Variants in CROCC2 observed in about 807,000 individuals in gnomAD.
CROCC2 encodes the protein ciliary rootlet coiled-coil protein 2.
CROCC2 carries 163 observed loss-of-function variants against 177.6 expected under a neutral mutation model. That is an observed-to-expected ratio of 0.92 (90% confidence interval 0.81 to 1.05). The LOEUF (loss-of-function observed/expected upper bound fraction) is 1.05, where lower values mean the gene tolerates loss of function less well. CROCC2 is among the 50% of genes least tolerant of loss of function. CROCC2 has a pLI of 0.00. For synonymous variants in CROCC2, 904 were observed against 787.3 expected, an observed-to-expected ratio of 1.15 and a Z score of -2.48; for missense variants, 1,929 against 1,797.8, an observed-to-expected ratio of 1.07 and a Z score of -1.32.
intron 11 of CROCC2, 104 bp from the exon 12 acceptor site, chr2:240,934,226 CT>C: frequency 2.3e-6 from 3 of 1,302,788 alleles, no homozygotes; most frequent in Non-Finnish European, 2.1e-6. Flanking sequence ...CCTCCTGGGC[CT>C]CCCTGGGCTT....
At chr2:240,937,181 GT>G (rs1342406868) in intron 14 of CROCC2, among the ~76,000 whole-genome samples, 1 of 152,008 alleles carries the variant, frequency 6.6e-6, no homozygotes, top group Non-Finnish European at 1.5e-5. Flanking sequence ...GGTATTGTCT[GT>G]TTTTTTGGGT....
intron 1 of CROCC2, among the ~76,000 whole-genome samples, chr2:240,912,190 A>G (rs1325035909): frequency 6.6e-6 from 1 of 152,112 alleles, no homozygotes; most frequent in African/African-American, 2.4e-5. Context: ...TTTAACACCA[A>G]ATGTGTGGGT....
chr2:240,932,241 G>A (rs554123778), intron 7 of CROCC2, 77 bp from the exon 8 acceptor site: 36 of 657,476 alleles, frequency 5.5e-5, no homozygotes, highest in African/African-American at 4.6e-4. Context: ...AAAGGAGTCC[G>A]GGCAGAGCCA....
rs771248710 is a variant in CROCC2 at position 240,989,611 on chromosome 2, CT to C, written c.4684-42del. 22 of 1,513,144 alleles carry C rather than the reference CT, an allele frequency of 1.5e-5. No homozygotes were observed. The South Asian group carries it at 2.6e-4, about 18-fold the overall frequency. 93.7% of individuals were successfully genotyped at this position (1,513,144 alleles called of 1,614,324 possible). ...TCCTGCCCTGGGATTCTGTGCGGCC[CT>C]CAGTGAGAGACAGCAGTGAGATGCC... On this transcript the variant is annotated intron_variant, in intron 29 of 31. Coordinates refer to ENST00000690015, the MANE Select transcript of CROCC2 (RefSeq NM_001351305.2).
chr2:240,907,366 T>G lies in CROCC2; in HGVS notation c.78+775T>G, dbSNP rs183711208. Among the ~76,000 whole-genome samples the G allele has an allele frequency of 5.5e-3, 840 of 152,004 alleles. 5 individuals carry two copies. The highest frequency in any genetic ancestry group is 9.8e-3 in the Admixed American group (149 of 15,272). On this transcript the variant is annotated intron_variant, in intron 1 of 31. Coordinates refer to ENST00000690015, the MANE Select transcript of CROCC2 (RefSeq NM_001351305.2). ...GCGGTCCCACCTCGGATATCCCTCC[T>G]CCCTGCACTGCCGTCACCTGCTGCT...
In CROCC2 at chr2:240,935,400, C is replaced by G; in HGVS notation, c.1981C>G (p.Leu661Val). 2 of 1,374,590 alleles carry G rather than the reference C, an allele frequency of 1.5e-6. No individual in the cohort carries two copies. The highest frequency in any genetic ancestry group is 1.9e-6 in the Non-Finnish European group (2 of 1,058,826). The allele number at this position is 1,374,590 out of a possible 1,614,324, so 85.1% of individuals were successfully genotyped here. A position where few individuals can be genotyped will look rare whatever the true frequency, so the allele number is the denominator to read the frequency against. Residue 661 changes from leucine (L) to valine (V), a missense_variant, in exon 14 of 32, where the codon CTG (leucine) becomes GTG (valine). Leu to Val is a conservative substitution (Grantham distance 32, BLOSUM62 1). Transcript: ENST00000690015. ...CCAGCTGCGGGAACAGCGGAAGACT[C>G]TGGAGCAGGAACGGGCCCGGGCCGG... ...RDQLREQRKT[L>V]EQERARAGEQ...
intron 20 of CROCC2, chr2:240,959,721 A>C (rs908474750): frequency 3.0e-6 from 1 of 334,516 alleles, no homozygotes; most frequent in African/African-American, 2.1e-5. Context: ...ACCAGTTTTC[A>C]GGGGAAAGAA....
At position 240,949,920 on chromosome 2, in the gene CROCC2, C is replaced by T. The variant is rs532336588; in HGVS notation, c.2652+218C>T. Among the ~76,000 whole-genome samples, 7 of 152,236 alleles carry T rather than the reference C, an allele frequency of 4.6e-5. No individual in the cohort carries two copies. In the East Asian group the frequency reaches 9.6e-4, roughly 21 times the overall value. On this transcript the variant is annotated intron_variant, in intron 17 of 31. Coordinates refer to ENST00000690015, the MANE Select transcript of CROCC2 (RefSeq NM_001351305.2). The surrounding 1 kb of genome is among the most constrained non-coding windows in gnomAD (Gnocchi z 4.5). ...ATTGGGCTTGGGTTTGTATTTGGGGCGGGCCTCCCTCATGGAAGAGGCTGG... is the reference window on the plus strand; with the variant it reads ...ATTGGGCTTGGGTTTGTATTTGGGGTGGGCCTCCCTCATGGAAGAGGCTGG...
At chr2:240,912,549 G>A (rs56656185) in intron 1 of CROCC2, among the ~76,000 whole-genome samples, 3,799 of 152,306 alleles carry the variant, frequency 0.025, 148 homozygotes, top group African/African-American at 0.086. Flanking sequence ...AGGTACAGGG[G>A]GCAGGTACGG....
At chr2:240,920,897 A>C (rs1056752281) in intron 3 of CROCC2, among the ~76,000 whole-genome samples, 1 of 152,216 alleles carries the variant, frequency 6.6e-6, no homozygotes, top group Non-Finnish European at 1.5e-5. Flanking sequence ...GCAAGGAGCC[A>C]GTGCGTGGAG....
Position 240,946,629 on chromosome 2 carries a change from T to A in CROCC2, c.2363+376T>A, listed in dbSNP as rs1025587420. Among the ~76,000 whole-genome samples, 3 of 152,148 alleles carry A rather than the reference T, an allele frequency of 2.0e-5. No individual in the cohort carries two copies. The East Asian group carries it at 5.8e-4, about 29-fold the overall frequency. On this transcript the variant is annotated intron_variant, in intron 15 of 31. Coordinates refer to ENST00000690015, the MANE Select transcript of CROCC2 (RefSeq NM_001351305.2). Reference sequence around the variant, plus strand: ...CAGTGCCCTCAGAATCCTGCTTCTCTCTCCCTCAGCACAGCTTGACTCTGA... The same window carrying A: ...CAGTGCCCTCAGAATCCTGCTTCTCACTCCCTCAGCACAGCTTGACTCTGA...
intron 14 of CROCC2, among the ~76,000 whole-genome samples, chr2:240,945,269 G>A (rs79391403): frequency 0.037 from 5,706 of 152,212 alleles, 328 homozygotes; most frequent in African/African-American, 0.13. Context: ...GGCAGTGAAC[G>A]TAGAAGGTCA....
At chr2:240,945,829 G>C (rs935761992) in intron 14 of CROCC2, among the ~76,000 whole-genome samples, 2 of 152,006 alleles carry the variant, frequency 1.3e-5, no homozygotes, top group African/African-American at 4.8e-5. Context: ...CTACCTAGGA[G>C]TGCCCAGTTC....
rs572422480 is a variant in CROCC2, at chr2:240,911,839, C to T, written c.78+5248C>T. On this transcript the variant is annotated intron_variant, in intron 1 of 31. Coordinates refer to ENST00000690015, the MANE Select transcript of CROCC2 (RefSeq NM_001351305.2). ...GCCAGCATTTCCTTGCTTTTTAAGG[C>T]TGAGTAATGTTCTACTCATAGAGGG... 7.2e-4 allele frequency among the ~76,000 whole-genome samples: 110 copies of T among 152,308 alleles called. 1 individual carries two copies. The highest frequency in any genetic ancestry group is 2.5e-3 in the African/African-American group (106 of 41,570).
At chr2:240,910,172 C>A (rs888410174) in intron 1 of CROCC2, among the ~76,000 whole-genome samples, 1 of 152,120 alleles carries the variant, frequency 6.6e-6, no homozygotes, top group Non-Finnish European at 1.5e-5. Flanking sequence ...GTGAGCAAGT[C>A]GGACTTGGGG....
chr2:240,930,119 G>A (rs1321846747), intron 5 of CROCC2, 47 bp from the exon 6 acceptor site: 2 of 532,492 alleles, frequency 3.8e-6, no homozygotes, highest in Non-Finnish European at 6.9e-6. Flanking sequence ...TTCAGGGAGG[G>A]TAAAGGGGCC....
intron 27 of CROCC2, among the ~76,000 whole-genome samples, chr2:240,969,932 G>T (rs757512721): frequency 6.6e-6 from 1 of 152,144 alleles, no homozygotes; most frequent in African/African-American, 2.4e-5. Flanking sequence ...TTCACACCAT[G>T]TTGGCCAGAC....
intron 1 of CROCC2, among the ~76,000 whole-genome samples, chr2:240,914,405 G>A (rs551175679): frequency 9.2e-5 from 14 of 152,348 alleles, no homozygotes; most frequent in South Asian, 4.1e-4. Flanking sequence ...CGATGCTGGC[G>A]CGCGCCTTCA....
Position 240,949,120 on chromosome 2 carries a change from G to A in CROCC2, c.2482+23G>A. 1 of 1,504,368 alleles carries A rather than the reference G, an allele frequency of 6.6e-7. No homozygotes were observed. Among genetic ancestry groups the A allele is most frequent in the Non-Finnish European group, 8.9e-7 (1 of 1,127,912 alleles). The allele number at this position is 1,504,368 out of a possible 1,614,324, so 93.2% of individuals were successfully genotyped here. On this transcript the variant is annotated intron_variant, in intron 16 of 31. Coordinates refer to ENST00000690015, the MANE Select transcript of CROCC2 (RefSeq NM_001351305.2). This position sits in a 1 kb window ranked among gnomAD's most constrained non-coding sequence, Gnocchi z 4.5. ...AAGGTGCTCCAAGGGCGCTCCCTCAGCTCCTTCCCCGAAAGTCAGCCATGG... is the reference window on the plus strand; with the variant it reads ...AAGGTGCTCCAAGGGCGCTCCCTCAACTCCTTCCCCGAAAGTCAGCCATGG...
Sources: allele counts gnomAD v4.1 joint callset (sites outside exome capture counted in the v4.1 genomes callset), GRCh38; gene constraint gnomAD v4.1.1; non-coding constraint Gnocchi (gnomAD v3.1); transcripts MANE v1.5; gene names NCBI Gene and HGNC (gene_info 2026-07-23, HGNC 2026-07-21).